Variants in KIAA0825 observed in about 807,000 individuals in gnomAD.
KIAA0825 encodes the protein KIAA0825, also known as uncharacterized protein KIAA0825.
Under a neutral mutation model 147.6 loss-of-function variants are expected in KIAA0825, and 119 were observed. That is an observed-to-expected ratio of 0.81 (90% CI 0.69 to 0.94). The LOEUF (loss-of-function observed/expected upper bound fraction) is 0.94, where lower values mean the gene tolerates loss of function less well. KIAA0825 is among the 40% of genes least tolerant of loss of function. The pLI is 0.00. For synonymous variants in KIAA0825, 470 were observed against 518.1 expected (o/e 0.91, Z 1.26); for missense variants, 1,381 against 1,472.7 (o/e 0.94, Z 1.02).
At chr5:94,290,276 C>A (rs1036660247) in intron 20 of KIAA0825, among the ~76,000 whole-genome samples, 1 of 152,026 alleles carries the variant, frequency 6.6e-6, no homozygotes, top group Non-Finnish European at 1.5e-5. Flanking sequence ...TAATGCTATC[C>A]CTCCCCTAGC....
At chr5:94,438,085 T>C (rs897751657) in intron 14 of KIAA0825, among the ~76,000 whole-genome samples, 2 of 152,184 alleles carry the variant, frequency 1.3e-5, no homozygotes, top group Non-Finnish European at 1.5e-5. Context: ...AGATAACAAT[T>C]CTTCCCAATA....
intron 20 of KIAA0825, among the ~76,000 whole-genome samples, chr5:94,309,234 A>G (rs901344048): frequency 6.6e-6 from 1 of 151,778 alleles, no homozygotes; most frequent in Non-Finnish European, 1.5e-5. Context: ...AAGAATTTTC[A>G]TTTTAGCCGA....
At chr5:94,584,790 G>C (rs893642791) in intron 1 of KIAA0825, among the ~76,000 whole-genome samples, 2 of 152,180 alleles carry the variant, frequency 1.3e-5, no homozygotes, top group East Asian at 1.9e-4. Context: ...CAGCCAGAGA[G>C]AAAGGTCATG....
intron 20 of KIAA0825, among the ~76,000 whole-genome samples, chr5:94,189,491 A>C (rs1770465662): frequency 6.6e-6 from 1 of 152,134 alleles, no homozygotes. Flanking sequence ...TCCTTATGTA[A>C]ATATCCAGTT....
rs150156608 is a variant in KIAA0825, at chr5:94,160,724, T to C, written c.3711-6600A>G. Among the ~76,000 whole-genome samples the C allele has an allele frequency of 2.6e-3, 387 of 151,266 alleles. 1 individual carries two copies. Among genetic ancestry groups the C allele is most frequent in the African/African-American group, 8.8e-3 (365 of 41,318 alleles). On this transcript the variant is annotated intron_variant, in intron 20 of 20. Transcript: ENST00000682413. ...AATATATAATATATGTCTGTATATTTAAATTATTCAAACTGACCATTACCC... is the reference window on the plus strand; with the variant it reads ...AATATATAATATATGTCTGTATATTCAAATTATTCAAACTGACCATTACCC...
chr5:94,590,536 T>C (rs574173310), intron 1 of KIAA0825, among the ~76,000 whole-genome samples: 3 of 152,174 alleles, frequency 2.0e-5, no homozygotes, highest in African/African-American at 7.2e-5. Context: ...AGAACTAAGG[T>C]GAGGATGCCA....
intron 20 of KIAA0825, among the ~76,000 whole-genome samples, chr5:94,344,540 T>C (rs187951157): frequency 6.6e-6 from 1 of 152,272 alleles, no homozygotes; most frequent in East Asian, 1.9e-4. Flanking sequence ...AATCCAGCAA[T>C]TTTGTTTCTA....
At chr5:94,391,410 C>A in intron 18 of KIAA0825, 125 bp downstream of exon 18, 3 of 843,860 alleles carry the variant, frequency 3.6e-6, no homozygotes, top group South Asian at 1.7e-5. Flanking sequence ...ATTAATAATG[C>A]AATATTGAGT....
chr5:94,163,526 CA>C (rs1481387781), intron 20 of KIAA0825, among the ~76,000 whole-genome samples: 1 of 151,798 alleles, frequency 6.6e-6, no homozygotes, highest in Non-Finnish European at 1.5e-5. Flanking sequence ...GTAGAACTAT[CA>C]AAAAAGGGCT....
rs1386044229 is a variant in KIAA0825 at position 94,152,903 on chromosome 5, T to TATATATATATATATATATAA, written c.*1103_*1104insTTATATATATATATATATAT. The TATATATATATATATATATAA allele has an allele frequency of 9.9e-5, 2 of 20,244 alleles. No homozygotes were observed. The highest frequency in any genetic ancestry group is 9.3e-5 in the Non-Finnish European group (1 of 10,786). 1.3% of individuals were successfully genotyped at this position (20,244 alleles called of 1,614,324 possible). A position where few individuals can be genotyped will look rare whatever the true frequency, so the allele number is the denominator to read the frequency against. On this transcript the variant is annotated 3_prime_UTR_variant, in exon 21 of 21. Coordinates refer to ENST00000682413, the MANE Select transcript of KIAA0825 (RefSeq NM_001145678.3). ...ATATATATATATATATATATATATATGGTTTCTCCCAGACGTTCTTAGACT... is the reference window on the plus strand; with the variant it reads ...ATATATATATATATATATATATATATATATATATATATATATATAAGGTTTCTCCCAGACGTTCTTAGACT...
chr5:94,599,896 T>G (rs1786045784), intron 1 of KIAA0825, among the ~76,000 whole-genome samples: 1 of 152,126 alleles, frequency 6.6e-6, no homozygotes, highest in African/African-American at 2.4e-5. Flanking sequence ...AAGTTTACTA[T>G]GAAACTCTAG....
chr5:94,211,533 A>G (rs776124246), intron 20 of KIAA0825, among the ~76,000 whole-genome samples: 3 of 152,088 alleles, frequency 2.0e-5, no homozygotes, highest in South Asian at 2.1e-4. Flanking sequence ...TTCCCTGAAC[A>G]AGGCCTTATT....
chr5:94,227,517 T>C (rs542942866), intron 20 of KIAA0825, among the ~76,000 whole-genome samples: 1 of 151,540 alleles, frequency 6.6e-6, no homozygotes, highest in East Asian at 1.9e-4. Flanking sequence ...CTGCACATTG[T>C]GCACATGTAC....
chr5:94,500,113 G>A (rs1764890015), intron 5 of KIAA0825, among the ~76,000 whole-genome samples: 1 of 152,098 alleles, frequency 6.6e-6, no homozygotes, highest in Non-Finnish European at 1.5e-5. Context: ...TATGAGGTGG[G>A]GAGAGGCATG....
intron 20 of KIAA0825, among the ~76,000 whole-genome samples, chr5:94,269,092 T>A (rs1485061940): frequency 1.3e-5 from 2 of 152,214 alleles, no homozygotes; most frequent in Non-Finnish European, 2.9e-5. Flanking sequence ...TTACATTGTA[T>A]GTTAAGATGA....
chr5:94,617,487 G>T (rs1790849686), intron 1 of KIAA0825, among the ~76,000 whole-genome samples: 1 of 152,004 alleles, frequency 6.6e-6, no homozygotes, highest in Non-Finnish European at 1.5e-5. Flanking sequence ...TTATCGGTAT[G>T]CTCCGATAAA....
intron 1 of KIAA0825, among the ~76,000 whole-genome samples, chr5:94,595,626 C>T (rs1237437630): frequency 6.6e-6 from 1 of 152,232 alleles, no homozygotes; most frequent in African/African-American, 2.4e-5. Context: ...CAAATTTCGG[C>T]AGCTGCTTGA....
intron 20 of KIAA0825, among the ~76,000 whole-genome samples, chr5:94,335,463 T>C (rs1343989447): frequency 1.3e-5 from 2 of 152,114 alleles, no homozygotes; most frequent in Non-Finnish European, 2.9e-5. Context: ...ATTGCCACCA[T>C]ATAAAGAAAA....
rs999997756 is a variant in KIAA0825 at position 94,569,364 on chromosome 5, TA to T, written c.-2+13068del. On this transcript the variant is annotated intron_variant, in intron 2 of 20. Coordinates refer to ENST00000682413, the MANE Select transcript of KIAA0825 (RefSeq NM_001145678.3). ...ATAATGATACACCCAACCACACCAC[TA>T]ACAATCAACACTAAGCCCCCATAAA... 3.7e-5 allele frequency: 14 copies of T among 373,446 alleles called. No individual in the cohort carries two copies. In the Admixed American group the frequency reaches 6.1e-4, roughly 16 times the overall value. The allele number at this position is 373,446 out of a possible 1,614,324, so 23.1% of individuals were successfully genotyped here. A position where few individuals can be genotyped will look rare whatever the true frequency, so the allele number is the denominator to read the frequency against.
Sources: allele counts gnomAD v4.1 joint callset (sites outside exome capture counted in the v4.1 genomes callset), GRCh38; gene constraint gnomAD v4.1.1; transcripts MANE v1.5; gene names NCBI Gene and HGNC (gene_info 2026-07-23, HGNC 2026-07-21).